Variants in YIPF7 observed in about 807,000 individuals in gnomAD.
YIPF7 encodes protein YIPF7.
Under a neutral mutation model 27.2 loss-of-function variants are expected in YIPF7, and 35 were observed. The ratio of observed to expected loss-of-function variants is 1.29; its 90% CI spans 0.98 to 1.70. The LOEUF (loss-of-function observed/expected upper bound fraction) is 1.70. Among genes scored for constraint, YIPF7 ranks in the 40% most tolerant of loss-of-function variants. The pLI, the probability that YIPF7 is intolerant of heterozygous loss-of-function variation, is 0.00. For synonymous variants in YIPF7, 137 were observed against 110.4 expected (o/e 1.24, Z -1.51); for missense variants, 358 against 303.7 (o/e 1.18, Z -1.33).
rs183995037 is a variant in YIPF7 at position 44,659,316 on chromosome 4, C to G, written c.-2+1133G>C. ...AGATGAAATGTAAAGACAATGTATT[C>G]GAACAAAACATAAGAGCAAAGACAT... is the stretch of plus-strand genomic sequence containing the variant. On this transcript the variant is annotated intron_variant, in intron 2 of 2. Coordinates refer to the YIPF7 transcript ENST00000508947. Among the ~76,000 whole-genome samples, 262 of 123,048 alleles carry G rather than the reference C, an allele frequency of 2.1e-3. 3 individuals carry two copies. The highest frequency in any genetic ancestry group is 7.3e-3 in the Admixed American group (90 of 12,292). 80.7% of individuals were successfully genotyped at this position (123,048 alleles called of 152,430 possible). A position where few individuals can be genotyped will look rare whatever the true frequency, so the allele number is the denominator to read the frequency against.
chr4:44,633,122 A>C (rs1447211316), intron 3 of YIPF7, among the ~76,000 whole-genome samples: 1 of 152,210 alleles, frequency 6.6e-6, no homozygotes, highest in East Asian at 1.9e-4. Flanking sequence ...CTAATGCCTG[A>C]TGATCTGAAG....
chr4:44,633,106 A>C (rs1008884524), intron 3 of YIPF7, among the ~76,000 whole-genome samples: 3 of 152,208 alleles, frequency 2.0e-5, no homozygotes, highest in African/African-American at 7.2e-5. Flanking sequence ...TGTTATGAGA[A>C]TCTAACTAAT....
chr4:44,661,985 T>C (rs1214746800), intron 1 of YIPF7, among the ~76,000 whole-genome samples: 1 of 152,228 alleles, frequency 6.6e-6, no homozygotes, highest in African/African-American at 2.4e-5. Context: ...TTTAATGCTC[T>C]TTCTTTCTTG....
chr4:44,658,859 T>C (rs1014550328), intron 2 of YIPF7, among the ~76,000 whole-genome samples: 2 of 152,176 alleles, frequency 1.3e-5, no homozygotes, highest in Non-Finnish European at 2.9e-5. Flanking sequence ...TGGGAGACAC[T>C]GCCTCCATGA....
intron 2 of YIPF7, among the ~76,000 whole-genome samples, chr4:44,638,209 A>ATT (rs34946710): frequency 5.6e-5 from 7 of 124,854 alleles, no homozygotes; most frequent in African/African-American, 2.2e-4. Flanking sequence ...GAGTTTCAGG[A>ATT]TTTTTTTTTT....
chr4:44,637,143 A>T (rs918825026), intron 2 of YIPF7, among the ~76,000 whole-genome samples: 3 of 152,098 alleles, frequency 2.0e-5, no homozygotes, highest in Admixed American at 1.3e-4. Context: ...TTATTCATTC[A>T]TCCATTGGTG....
Position 44,657,769 on chromosome 4 carries a change from C to T in YIPF7, c.-2+2680G>A, listed in dbSNP as rs555047821. ...CCATCCCCCTACTGTAACGATGCTG[C>T]TTTTCTAAGTGCCAGAGAAATAATC... On this transcript the variant is annotated intron_variant, in intron 2 of 2. Coordinates refer to the YIPF7 transcript ENST00000508947. Among the ~76,000 whole-genome samples, 66 of 152,260 alleles carry T rather than the reference C, an allele frequency of 4.3e-4. No individual in the cohort carries two copies. The South Asian group carries it at 0.014, about 32-fold the overall frequency.
chr4:44,645,928 GA>G (rs1713511020), intron 2 of YIPF7, among the ~76,000 whole-genome samples: 1 of 152,102 alleles, frequency 6.6e-6, no homozygotes, highest in Admixed American at 6.5e-5. Flanking sequence ...AGGCAGCAAG[GA>G]GGTACACCAA....
At chr4:44,626,828 G>A (rs1163299888) in intron 4 of YIPF7, among the ~76,000 whole-genome samples, 6 of 131,812 alleles carry the variant, frequency 4.6e-5, no homozygotes, top group African/African-American at 1.4e-4. Context: ...CAGGCCGGAG[G>A]GCAGTGGTGC....
intron 2 of YIPF7, among the ~76,000 whole-genome samples, chr4:44,647,636 G>C (rs1057419003): frequency 6.6e-6 from 1 of 152,048 alleles, no homozygotes; most frequent in Non-Finnish European, 1.5e-5. Flanking sequence ...CCTGACTAGT[G>C]CTAGGCAGGA....
At chr4:44,629,975 T>A (rs1274744618) in intron 3 of YIPF7, among the ~76,000 whole-genome samples, 1 of 152,232 alleles carries the variant, frequency 6.6e-6, no homozygotes, top group Non-Finnish European at 1.5e-5. Context: ...CATTTTCTGT[T>A]TCTTTTTTAT....
chr4:44,626,410 G>A (rs889250947), intron 4 of YIPF7, among the ~76,000 whole-genome samples: 2 of 152,090 alleles, frequency 1.3e-5, no homozygotes, highest in African/African-American at 4.8e-5. Flanking sequence ...CTGAGGTAGG[G>A]CTAGTCCTAA....
chr4:44,622,562 A>T lies in YIPF7; in HGVS notation c.623T>A (p.Ile208Asn). Residue 208 changes from isoleucine to asparagine, a missense_variant, in exon 6 of 6, where the codon ATC becomes AAC. Physicochemically the swap from Ile to Asn is moderately radical, Grantham distance 149. Coordinates refer to ENST00000415895, the MANE Select transcript of YIPF7 (RefSeq NM_182592.3). ...MFFSLQGIFG[I>N]MSSLVIIGWC... ...GCCAATGATGACCAGGGATGACATG[A>T]TTCCAAAGATGCCCCTGCAGCAAAG... is the stretch of plus-strand genomic sequence containing the variant. 6.2e-7 allele frequency: 1 copy of T among 1,613,326 alleles called. No homozygotes were observed. The highest frequency in any genetic ancestry group is 1.7e-5 in the Admixed American group (1 of 59,886).
At chr4:44,624,050 TTCTC>T (rs200880527) in intron 5 of YIPF7, among the ~76,000 whole-genome samples, 2,172 of 151,700 alleles carry the variant, frequency 0.014, 24 homozygotes, top group African/African-American at 0.049. Context: ...CAGTTTTTTT[TTCTC>T]TCTCTCTTTT....
intron 2 of YIPF7, among the ~76,000 whole-genome samples, chr4:44,647,499 A>G (rs1033346647): frequency 6.6e-6 from 1 of 152,192 alleles, no homozygotes; most frequent in African/African-American, 2.4e-5. Context: ...CTTAGTAGAT[A>G]TCTTTCATTG....
intron 3 of YIPF7, among the ~76,000 whole-genome samples, chr4:44,635,287 GA>G (rs1004556756): frequency 5.9e-4 from 87 of 146,738 alleles, no homozygotes; most frequent in African/African-American, 1.3e-3. Context: ...GGCTACATAT[GA>G]AAAAAAAAAA....
intron 2 of YIPF7, among the ~76,000 whole-genome samples, chr4:44,645,717 A>G (rs146769104): frequency 2.0e-5 from 3 of 152,206 alleles, no homozygotes; most frequent in Non-Finnish European, 4.4e-5. Context: ...GGCTCATTGA[A>G]TTTAAACTTT....
Position 44,649,910 on chromosome 4 carries a change from T to C in YIPF7, c.116+75A>G, listed in dbSNP as rs1381348867. 7 of 811,028 alleles carry C rather than the reference T, an allele frequency of 8.6e-6. No individual in the cohort carries two copies. The East Asian group carries it at 1.4e-4, about 16-fold the overall frequency. The allele number at this position is 811,028 out of a possible 1,614,324, so 50.2% of individuals were successfully genotyped here. A position where few individuals can be genotyped will look rare whatever the true frequency, so the allele number is the denominator to read the frequency against. ...CAACTTTCATAATAACTACAATATATTGAATTTTTACAATATGTGGGTGAC... is the reference window on the plus strand; with the variant it reads ...CAACTTTCATAATAACTACAATATACTGAATTTTTACAATATGTGGGTGAC... On this transcript the variant is annotated intron_variant, in intron 2 of 5. Transcript: ENST00000415895.
At position 44,651,589 on chromosome 4, in the gene YIPF7, A is replaced by T; in HGVS notation, c.-37T>A. The T allele has an allele frequency of 6.3e-7, 1 of 1,589,350 alleles. No individual in the cohort carries two copies. The highest frequency in any genetic ancestry group is 8.6e-7 in the Non-Finnish European group (1 of 1,166,280). ...TTTTTATAGAAAGATCCTCCAGTAA[A>T]TGTAGCTTTGTGTGAGAAATTTTAA... On this transcript the variant is annotated 5_prime_UTR_variant, in exon 1 of 6. Coordinates refer to ENST00000415895, the MANE Select transcript of YIPF7 (RefSeq NM_182592.3).
Sources: gnomAD v4.1 joint callset for allele counts (sites outside exome capture counted in the v4.1 genomes callset) on GRCh38, gnomAD v4.1.1 for gene constraint, MANE v1.5 for transcripts, NCBI Gene and HGNC (gene_info 2026-07-23, HGNC 2026-07-21) for gene names.